The following STT3B variants were observed in gnomAD, a reference collection of about 807,000 sequenced individuals.
The protein encoded by STT3B is STT3 oligosaccharyltransferase complex catalytic subunit B, also known as dolichyl-diphosphooligosaccharide--protein glycosyltransferase subunit STT3B.
STT3B carries 29 observed loss-of-function variants against 96.8 expected under a neutral mutation model. That is an observed-to-expected ratio of 0.30 (90% CI 0.22 to 0.41). The LOEUF (loss-of-function observed/expected upper bound fraction) is 0.41, where lower values mean the gene tolerates loss of function less well. Ranked by LOEUF, STT3B falls within the 10% of genes least tolerant of loss-of-function variation. STT3B has a pLI of 1.00. For missense variants in STT3B, 640 were observed against 1,022.3 expected, an observed-to-expected ratio of 0.63 and a Z score of 5.10; for synonymous variants, 367 against 360.0, an observed-to-expected ratio of 1.02 and a Z score of -0.22.
chr3:31,579,477 TAAAAAAAAAA>T (rs1173591549), intron 2 of STT3B, among the ~76,000 whole-genome samples: 6 of 67,448 alleles, frequency 8.9e-5, no homozygotes, highest in African/African-American at 2.2e-4. Context: ...CCTGTTTTGA[TAAAAAAAAAA>T]AAAAAAAAAA....
chr3:31,568,033 A>G (rs932885711), intron 1 of STT3B, among the ~76,000 whole-genome samples: 2 of 150,912 alleles, frequency 1.3e-5, no homozygotes, highest in Non-Finnish European at 2.9e-5. Context: ...TCTGGTAATC[A>G]TCATTCTGCT....
At chr3:31,561,066 A>G (rs951033939) in intron 1 of STT3B, among the ~76,000 whole-genome samples, 9 of 151,986 alleles carry the variant, frequency 5.9e-5, no homozygotes, top group East Asian at 1.9e-4. Context: ...ATTTCATTCA[A>G]TGAATTCTTA....
intron 13 of STT3B, among the ~76,000 whole-genome samples, chr3:31,628,235 C>T (rs1440508684): frequency 9.3e-5 from 11 of 117,816 alleles, no homozygotes; most frequent in Non-Finnish European, 1.4e-4. Context: ...GGCGGGCGGG[C>T]GGTGGAGTCC....
In STT3B at chr3:31,633,048, T is replaced by C; in HGVS notation, c.2301T>C (p.Val767=). The change falls in exon 15 of 16, where the codon GTT becomes GTC. Residue 767 remains valine (V), a synonymous_variant. Transcript: ENST00000295770. ...CCTTTACATCAGAACACTGGCTTGTTAGGATATATAAAGTAAAAGCACCTG... is the reference window on the plus strand; with the variant it reads ...CCTTTACATCAGAACACTGGCTTGTCAGGATATATAAAGTAAAAGCACCTG... The part of the protein sequence containing the change: ...EEAFTSEHWL[V]RIYKVKAPDN... 6.2e-7 allele frequency: 1 copy of C among 1,614,116 alleles called. No homozygotes were observed. Among genetic ancestry groups the C allele is most frequent in the Non-Finnish European group, 8.5e-7 (1 of 1,179,992 alleles).
At chr3:31,604,954 G>A (rs1308955789) in intron 5 of STT3B, among the ~76,000 whole-genome samples, 1 of 152,040 alleles carries the variant, frequency 6.6e-6, no homozygotes, top group African/African-American at 2.4e-5. Flanking sequence ...TGTCCTCATG[G>A]GTCAAATAAA....
chr3:31,561,764 T>C (rs1697884472), intron 1 of STT3B, among the ~76,000 whole-genome samples: 1 of 152,228 alleles, frequency 6.6e-6, no homozygotes, highest in Admixed American at 6.5e-5. Flanking sequence ...TGTAATGGCA[T>C]TTTTTGACAT....
rs5847707 is a variant in STT3B at position 31,617,186 on chromosome 3, CT to C, written c.1123+126del. The C allele has an allele frequency of 0.049, 23,889 of 490,936 alleles. 256 individuals are homozygous for C. The highest frequency in any genetic ancestry group is 0.27 in the East Asian group (7,497 of 27,424). The allele number at this position is 490,936 out of a possible 1,614,324, so 30.4% of individuals were successfully genotyped here. A position where few individuals can be genotyped will look rare whatever the true frequency, so the allele number is the denominator to read the frequency against. ...AGCATGACTACAAAGTGATTTTTTT[CT>C]TTTTTTTTTTTTTTGAATAGTATAT... On this transcript the variant is annotated intron_variant, in intron 7 of 15. Coordinates refer to ENST00000295770, the MANE Select transcript of STT3B (RefSeq NM_178862.3).
intron 1 of STT3B, among the ~76,000 whole-genome samples, chr3:31,546,310 T>C (rs570706864): frequency 6.6e-6 from 1 of 152,136 alleles, no homozygotes; most frequent in Non-Finnish European, 1.5e-5. Context: ...ACCTGGAGGC[T>C]CAATAGGCTG....
intron 1 of STT3B, 99 bp downstream of exon 1, chr3:31,533,411 C>T (rs1363741814): frequency 2.4e-6 from 3 of 1,276,282 alleles, no homozygotes; most frequent in Non-Finnish European, 3.0e-6. Context: ...CCCGCGCCGC[C>T]GCGGAGCCCC....
intron 7 of STT3B, 82 bp downstream of exon 7, chr3:31,617,157 T>C: frequency 1.9e-6 from 2 of 1,062,636 alleles, no homozygotes; most frequent in Non-Finnish European, 2.6e-6. Context: ...AAAATCTGAA[T>C]AACAGCATGA....
intron 1 of STT3B, among the ~76,000 whole-genome samples, chr3:31,574,642 C>G (rs1698226112): frequency 6.6e-6 from 1 of 152,070 alleles, no homozygotes; most frequent in South Asian, 2.1e-4. Context: ...ATTAGCTTAG[C>G]TTTCCATGTT....
At chr3:31,581,728 C>T (rs959349558) in intron 3 of STT3B, among the ~76,000 whole-genome samples, 33 of 152,126 alleles carry the variant, frequency 2.2e-4, no homozygotes, top group African/African-American at 7.5e-4. Flanking sequence ...AGAAGGTGTT[C>T]CCTTCTCTTC....
intron 2 of STT3B, 50 bp downstream of exon 2, chr3:31,576,554 T>A (rs1698268575): frequency 9.0e-7 from 1 of 1,112,684 alleles, no homozygotes; most frequent in Non-Finnish European, 1.3e-6. Flanking sequence ...TATTGTTACT[T>A]GAGTAAATCA....
At chr3:31,580,694 A>C (rs1312831937) in intron 3 of STT3B, among the ~76,000 whole-genome samples, 4 of 152,072 alleles carry the variant, frequency 2.6e-5, no homozygotes, top group Admixed American at 2.0e-4. Flanking sequence ...TTTTCTCTTT[A>C]ATAATTATTT....
chr3:31,554,965 ACT>A (rs531697267), intron 1 of STT3B, among the ~76,000 whole-genome samples: 1 of 151,856 alleles, frequency 6.6e-6, no homozygotes, highest in Non-Finnish European at 1.5e-5. Context: ...GATTGTTTTT[ACT>A]CTCTTTTTGA....
intron 1 of STT3B, among the ~76,000 whole-genome samples, chr3:31,544,725 G>T (rs534182513): frequency 2.0e-5 from 3 of 152,212 alleles, no homozygotes; most frequent in Non-Finnish European, 4.4e-5. Flanking sequence ...GCACTTGGGA[G>T]GCCGAGATAG....
Position 31,600,389 on chromosome 3 carries a change from C to G in STT3B, c.807C>G (p.Ile269Met), listed in dbSNP as rs775832467. 2 of 1,588,276 alleles carry G rather than the reference C, an allele frequency of 1.3e-6. No homozygotes were observed. The highest frequency in any genetic ancestry group is 1.7e-6 in the Non-Finnish European group (2 of 1,161,104). ...CTGCTTGGGGTGGTTATGTATTTAT[C>G]ATCAATCTTATTCCACTGCATGTAT... is the stretch of plus-strand genomic sequence containing the variant. ...MVSAWGGYVF[I>M]INLIPLHVFV... Residue 269 changes from isoleucine to methionine, a missense_variant, in exon 5 of 16, where the codon ATC becomes ATG. Ile to Met is a conservative substitution (Grantham distance 10). This residue lies in a region of STT3B where 267 missense variants were observed against 388.3 expected (regional missense o/e 0.69). Coordinates refer to ENST00000295770, the MANE Select transcript of STT3B (RefSeq NM_178862.3).
intron 1 of STT3B, among the ~76,000 whole-genome samples, chr3:31,541,362 A>G (rs1010354418): frequency 6.6e-6 from 1 of 151,994 alleles, no homozygotes; most frequent in Non-Finnish European, 1.5e-5. Flanking sequence ...CCTTTTTCTC[A>G]TAGGTGGTAA....
intron 13 of STT3B, among the ~76,000 whole-genome samples, chr3:31,627,989 A>G (rs1699570181): frequency 7.0e-6 from 1 of 143,574 alleles, no homozygotes; most frequent in African/African-American, 2.5e-5. Context: ...ATAAGAGGAT[A>G]TACAAAAAAG....
Sources: gnomAD v4.1 joint callset for allele counts (sites outside exome capture counted in the v4.1 genomes callset) on GRCh38, gnomAD v4.1.1 for gene constraint, gnomAD v4.1.1 regional missense constraint, MANE v1.5 for transcripts, NCBI Gene and HGNC (gene_info 2026-07-23, HGNC 2026-07-21) for gene names.